The following LRRTM4 variants were observed in gnomAD, a reference collection of about 807,000 sequenced individuals.
LRRTM4 encodes the protein leucine rich repeat transmembrane neuronal 4.
A neutral mutation model predicts 47.6 loss-of-function variants in LRRTM4; 25 were observed. That is an observed-to-expected ratio of 0.53 (90% CI 0.38 to 0.73). LRRTM4 has a LOEUF of 0.73. Ranked by LOEUF, LRRTM4 falls within the 30% of genes least tolerant of loss-of-function variation. The pLI is 0.00. For missense variants in LRRTM4, 638 were observed against 713.4 expected, an observed-to-expected ratio of 0.89 and a Z score of 1.20; for synonymous variants, 311 against 269.5, an observed-to-expected ratio of 1.15 and a Z score of -1.51.
chr2:77,011,450 T>C (rs1677869827), intron 3 of LRRTM4, among the ~76,000 whole-genome samples: 1 of 151,942 alleles, frequency 6.6e-6, no homozygotes, highest in Non-Finnish European at 1.5e-5. Flanking sequence ...GAGAAAACCA[T>C]GCAAGATTTT....
chr2:77,208,604 A>C (rs2103917123), intron 3 of LRRTM4, among the ~76,000 whole-genome samples: 1 of 152,196 alleles, frequency 6.6e-6, no homozygotes, highest in South Asian at 2.1e-4. Flanking sequence ...ATATATATGA[A>C]GTCACACATA....
intron 3 of LRRTM4, among the ~76,000 whole-genome samples, chr2:77,335,566 C>T (rs1671133193): frequency 6.6e-6 from 1 of 152,292 alleles, no homozygotes; most frequent in South Asian, 2.1e-4. Context: ...TTGCCCCAGC[C>T]TATCCACTTA....
chr2:77,509,301 T>C (rs1401229648), intron 3 of LRRTM4, among the ~76,000 whole-genome samples: 1 of 151,618 alleles, frequency 6.6e-6, no homozygotes, highest in Non-Finnish European at 1.5e-5. Flanking sequence ...TGAAGTATGA[T>C]ATCTGATAAG....
intron 3 of LRRTM4, among the ~76,000 whole-genome samples, chr2:76,958,893 T>C (rs1324086795): frequency 6.6e-6 from 1 of 151,694 alleles, no homozygotes; most frequent in Non-Finnish European, 1.5e-5. Context: ...CCCAAGTATC[T>C]TGCTGGACTA....
chr2:77,445,470 T>C (rs1676015829), intron 3 of LRRTM4, among the ~76,000 whole-genome samples: 1 of 152,016 alleles, frequency 6.6e-6, no homozygotes, highest in Non-Finnish European at 1.5e-5. Context: ...TGCTCGCCTA[T>C]CTTTTCTTAT....
chr2:76,870,082 C>T (rs2104048164), intron 3 of LRRTM4, among the ~76,000 whole-genome samples: 1 of 152,238 alleles, frequency 6.6e-6, no homozygotes, highest in Non-Finnish European at 1.5e-5. Context: ...TGAGGAGTGT[C>T]CTGGGATCTT....
At chr2:76,959,721 C>A (rs1485662811) in intron 3 of LRRTM4, among the ~76,000 whole-genome samples, 1 of 151,626 alleles carries the variant, frequency 6.6e-6, no homozygotes, top group Non-Finnish European at 1.5e-5. Context: ...TGTGATGCAG[C>A]TCTTCCTCTA....
chr2:76,821,789 C>T (rs1269279548), intron 3 of LRRTM4, among the ~76,000 whole-genome samples: 2 of 151,546 alleles, frequency 1.3e-5, no homozygotes, highest in Admixed American at 6.6e-5. Context: ...TCAACATTCC[C>T]ACCTTATTAA....
chr2:77,507,444 A>G (rs1191403895), intron 3 of LRRTM4, among the ~76,000 whole-genome samples: 1 of 152,112 alleles, frequency 6.6e-6, no homozygotes, highest in Admixed American at 6.6e-5. Flanking sequence ...CCAAAGGTGA[A>G]GGGGCAACAC....
chr2:77,397,913 G>A (rs1673764258), intron 3 of LRRTM4, among the ~76,000 whole-genome samples: 1 of 151,660 alleles, frequency 6.6e-6, no homozygotes, highest in Non-Finnish European at 1.5e-5. Flanking sequence ...CCTTCATTAG[G>A]TGAGTCAAAC....
chr2:76,862,460 A>T (rs908564305), intron 3 of LRRTM4, among the ~76,000 whole-genome samples: 3 of 151,870 alleles, frequency 2.0e-5, no homozygotes, highest in African/African-American at 7.3e-5. Context: ...GCCAGCTGTC[A>T]CTTCTGAGGT....
chr2:77,226,774 A>T (rs980943784), intron 3 of LRRTM4, among the ~76,000 whole-genome samples: 4 of 151,880 alleles, frequency 2.6e-5, no homozygotes, highest in African/African-American at 9.7e-5. Context: ...CTTAAATAGG[A>T]ATGTAGTGGG....
chr2:76,915,564 G>A (rs2103792461), intron 3 of LRRTM4, among the ~76,000 whole-genome samples: 1 of 152,188 alleles, frequency 6.6e-6, no homozygotes, highest in African/African-American at 2.4e-5. Flanking sequence ...TTCTACCTTT[G>A]TCACTTAAGT....
intron 3 of LRRTM4, among the ~76,000 whole-genome samples, chr2:77,134,840 A>ACATAAATAAATCTTTTATT (rs1339522114): frequency 1.3e-5 from 2 of 152,184 alleles, no homozygotes; most frequent in Admixed American, 1.3e-4. Flanking sequence ...AATTAAAAAG[A>ACATAAATAAATCTTTTATT]CATAAATAAA....
At chr2:77,148,109 C>T (rs1003486480) in intron 3 of LRRTM4, among the ~76,000 whole-genome samples, 1 of 152,156 alleles carries the variant, frequency 6.6e-6, no homozygotes, top group African/African-American at 2.4e-5. Context: ...CATGCTTTGG[C>T]ACCCAACTCA....
intron 3 of LRRTM4, among the ~76,000 whole-genome samples, chr2:76,901,375 G>C (rs1325059435): frequency 6.6e-6 from 1 of 152,044 alleles, no homozygotes; most frequent in East Asian, 1.9e-4. Flanking sequence ...TGAAAAGTAT[G>C]TTATCTCATT....
At chr2:77,060,446 T>G (rs1040861440) in intron 3 of LRRTM4, among the ~76,000 whole-genome samples, 1 of 152,126 alleles carries the variant, frequency 6.6e-6, no homozygotes, top group African/African-American at 2.4e-5. Context: ...AAAAAGAGAT[T>G]TAGGTAAATA....
At chr2:77,315,040 T>C (rs1677578452) in intron 3 of LRRTM4, among the ~76,000 whole-genome samples, 1 of 152,204 alleles carries the variant, frequency 6.6e-6, no homozygotes, top group African/African-American at 2.4e-5. Flanking sequence ...TTAGGTGTAC[T>C]AAATGCATTC....
intron 3 of LRRTM4, among the ~76,000 whole-genome samples, chr2:77,274,989 G>T (rs905933082): frequency 6.6e-6 from 1 of 152,044 alleles, no homozygotes; most frequent in Non-Finnish European, 1.5e-5. Flanking sequence ...ACAGTCATTA[G>T]TGTGCAAAAC....
Sources: allele counts gnomAD v4.1 joint callset (sites outside exome capture counted in the v4.1 genomes callset), GRCh38; gene constraint gnomAD v4.1.1; transcripts MANE v1.5; gene names NCBI Gene and HGNC (gene_info 2026-07-23, HGNC 2026-07-21).